The following PCDHB10 variants were observed in gnomAD, a reference collection of about 807,000 sequenced individuals.
The protein encoded by PCDHB10 is protocadherin beta 10.
For synonymous variants in PCDHB10, 448 were observed against 449.2 expected (o/e 1.00, Z 0.04); for missense variants, 1,046 against 1,004.7 (o/e 1.04, Z -0.56).
rs781908790 is a variant in PCDHB10 at position 141,194,877 on chromosome 5, T to C, written c.2325T>C (p.Asp775=). ...EFKFLKPVIS[D]IQAQGPGRKG... is the part of the protein sequence containing the mutation. ...AGTTCTTGAAACCAGTTATTTCGGATATTCAGGCACAGGGCCCTGGGAGGA... is the reference window on the plus strand; with the variant it reads ...AGTTCTTGAAACCAGTTATTTCGGACATTCAGGCACAGGGCCCTGGGAGGA... Residue 775 remains aspartate, a synonymous_variant, in exon 1 of 1, where the codon GAT becomes GAC. Coordinates refer to ENST00000239446, the MANE Select transcript of PCDHB10 (RefSeq NM_018930.4). 3.7e-6 allele frequency: 6 copies of C among 1,614,090 alleles called. No homozygotes were observed. The highest frequency in any genetic ancestry group is 5.1e-6 in the Non-Finnish European group (6 of 1,180,012).
In PCDHB10 at chr5:141,194,557, C is replaced by A. The variant is rs1754005804; in HGVS notation, c.2005C>A (p.Pro669Thr). 2 of 1,576,772 alleles carry A rather than the reference C, an allele frequency of 1.3e-6. No homozygotes were observed. The highest frequency in any genetic ancestry group is 1.7e-6 in the Non-Finnish European group (2 of 1,165,592). Residue 669 changes from proline (P) to threonine (T), a missense_variant, in exon 1 of 1, where the codon CCC becomes ACC. Physicochemically the swap from Pro to Thr is conservative, Grantham distance 38. Coordinates refer to ENST00000239446, the MANE Select transcript of PCDHB10 (RefSeq NM_018930.4). ...GCTCCTGGTGGACGGCTTCTCCCAGCCCTACCTGCCTCTCCCGGAGGCGGC... is the reference window on the plus strand; with the variant it reads ...GCTCCTGGTGGACGGCTTCTCCCAGACCTACCTGCCTCTCCCGGAGGCGGC... The part of the protein sequence containing the change: ...HLLLVDGFSQ[P>T]YLPLPEAAPA...
In PCDHB10 at chr5:141,194,421, G is replaced by A; in HGVS notation, c.1869G>A (p.Glu623=). ...TCGGTGTGTGGGCGCACAATGGGGA[G>A]GTGCGCACCGCCAGGCTGCTGAGCG... ...GLFGVWAHNG[E]VRTARLLSER... The change falls in exon 1 of 1, where the codon GAG becomes GAA. Residue 623 remains glutamate, a synonymous_variant. Coordinates refer to ENST00000239446, the MANE Select transcript of PCDHB10 (RefSeq NM_018930.4). 1 of 1,603,506 alleles carries A rather than the reference G, an allele frequency of 6.2e-7. No homozygotes were observed. Among genetic ancestry groups the A allele is most frequent in the Non-Finnish European group, 8.5e-7 (1 of 1,179,484 alleles).
rs1554284391 is a variant in PCDHB10 at position 141,194,381 on chromosome 5, C to T, written c.1829C>T (p.Thr610Met). ...AWLSYQLLKA[T>M]EPGLFGVWAH... is the part of the protein sequence containing the mutation. ...CTGTCGTACCAGCTGCTCAAGGCCA[C>T]GGAGCCCGGGCTGTTCGGTGTGTGG... Residue 610 changes from threonine (T) to methionine (M), a missense_variant, in exon 1 of 1, where the codon ACG (threonine) becomes ATG (methionine). Coordinates refer to ENST00000239446, the MANE Select transcript of PCDHB10 (RefSeq NM_018930.4). 1.2e-6 allele frequency: 2 copies of T among 1,602,426 alleles called. No individual in the cohort carries two copies. Among genetic ancestry groups the T allele is most frequent in the Non-Finnish European group, 8.5e-7 (1 of 1,179,312 alleles).
chr5:141,193,611 C>T lies in PCDHB10; in HGVS notation c.1059C>T (p.Ser353=). The T allele has an allele frequency of 6.2e-7, 1 of 1,614,094 alleles. No individual in the cohort carries two copies. The highest frequency in any genetic ancestry group is 8.5e-7 in the Non-Finnish European group (1 of 1,180,018). Residue 353 remains serine (S), a synonymous_variant, in exon 1 of 1, where the codon TCC becomes TCT. Coordinates refer to ENST00000239446, the MANE Select transcript of PCDHB10 (RefSeq NM_018930.4). ...CTGAACTGATCGTATCATCATTTTC[C>T]AACTCTGTTGCTGAGAATTCTCCTG... ...NPPELIVSSF[S]NSVAENSPET...
rs782173744 is a variant in PCDHB10, at chr5:141,193,153, G to A, written c.601G>A (p.Asp201Asn). The change falls in exon 1 of 1, where the codon GAT (aspartate) becomes AAT (asparagine). Residue 201 changes from aspartate (D) to asparagine (N), a missense_variant. Physicochemically the swap from Asp to Asn is conservative, Grantham distance 23. Transcript: ENST00000239446. ...YPELVLDKAL[D>N]REEQGELSLT... ...AGAGCTAGTGTTGGACAAAGCACTGGATCGGGAGGAGCAGGGAGAGCTCAG... is the reference window on the plus strand; with the variant it reads ...AGAGCTAGTGTTGGACAAAGCACTGAATCGGGAGGAGCAGGGAGAGCTCAG... 4.3e-6 allele frequency: 7 copies of A among 1,614,140 alleles called. No individual in the cohort carries two copies. The highest frequency in any genetic ancestry group is 1.6e-4 in the Middle Eastern group (1 of 6,062).
chr5:141,192,557 C>T lies in PCDHB10; in HGVS notation c.5C>T (p.Ala2Val). 6.2e-7 allele frequency: 1 copy of T among 1,613,248 alleles called. No homozygotes were observed. The highest frequency in any genetic ancestry group is 1.1e-5 in the South Asian group (1 of 90,942). The change falls in exon 1 of 1, where the codon GCT becomes GTT. Residue 2 changes from alanine (A) to valine (V), a missense_variant. Transcript: ENST00000239446. M[A>V]VRELCFPRQR... ...GAAATAACGTATGCAGCAGCTATGGCTGTCAGAGAGTTGTGCTTCCCAAGA... is the reference window on the plus strand; with the variant it reads ...GAAATAACGTATGCAGCAGCTATGGTTGTCAGAGAGTTGTGCTTCCCAAGA...
chr5:141,192,461 C>A lies in PCDHB10; in HGVS notation c.-92C>A, dbSNP rs1753923949. The A allele has an allele frequency of 2.0e-6, 3 of 1,495,656 alleles. No individual in the cohort carries two copies. Among genetic ancestry groups the A allele is most frequent in the East Asian group, 4.5e-5 (2 of 44,244 alleles). 92.6% of individuals were successfully genotyped at this position (1,495,656 alleles called of 1,614,324 possible). A position where few individuals can be genotyped will look rare whatever the true frequency, so the allele number is the denominator to read the frequency against. ...GGAAAGGACAAAAAAGACCCCTGGG[C>A]TACACGGCGTAGGTGCAGGGTTTCC... On this transcript the variant is annotated 5_prime_UTR_variant, in exon 1 of 1. Coordinates refer to ENST00000239446, the MANE Select transcript of PCDHB10 (RefSeq NM_018930.4).
At position 141,194,266 on chromosome 5, in the gene PCDHB10, T is replaced by C. The variant is rs1304322129; in HGVS notation, c.1714T>C (p.Cys572Arg). The C allele has an allele frequency of 3.1e-6, 5 of 1,605,688 alleles. No individual in the cohort carries two copies. The Admixed American group carries it at 6.7e-5, about 21-fold the overall frequency. ...CCCGCTGCAGAACGGCTCCGCGCCC[T>C]GCACCGAGCTGGTGCCCCGGGCGGC... The part of the protein sequence containing the change: ...LYPLQNGSAP[C>R]TELVPRAAEP... Residue 572 changes from cysteine (C) to arginine (R), a missense_variant, in exon 1 of 1, where the codon TGC becomes CGC. Coordinates refer to ENST00000239446, the MANE Select transcript of PCDHB10 (RefSeq NM_018930.4).
At position 141,195,117 on chromosome 5, in the gene PCDHB10, A is replaced by G. The variant is rs1554284594; in HGVS notation, c.*162A>G. ...TGTTTCATCATTTTTTTGCATTAAT[A>G]ACAACTGGGTTTAATTTAATGAGTA... On this transcript the variant is annotated 3_prime_UTR_variant, in exon 1 of 1. Coordinates refer to ENST00000239446, the MANE Select transcript of PCDHB10 (RefSeq NM_018930.4). 1 of 692,206 alleles carries G rather than the reference A, an allele frequency of 1.4e-6. No homozygotes were observed. The allele number at this position is 692,206 out of a possible 1,614,324, so 42.9% of individuals were successfully genotyped here.
Position 141,192,361 on chromosome 5 carries a change from T to C in PCDHB10, c.-192T>C, listed in dbSNP as rs768009734. 1 of 692,800 alleles carries C rather than the reference T, an allele frequency of 1.4e-6. No homozygotes were observed. The highest frequency in any genetic ancestry group is 2.4e-6 in the Non-Finnish European group (1 of 418,326). The allele number at this position is 692,800 out of a possible 1,614,324, so 42.9% of individuals were successfully genotyped here. On this transcript the variant is annotated 5_prime_UTR_variant, in exon 1 of 1. The change abolishes an upstream ATG in the 5' untranslated region. Transcript: ENST00000239446. ...TTTGGGAATTGCTCTGAGGATGCTA[T>C]GCAAGTCACTAATAAAGGAAGACAC...
Position 141,193,545 on chromosome 5 carries a change from T to C in PCDHB10, c.993T>C (p.Cys331=). The change falls in exon 1 of 1, where the codon TGT becomes TGC. Residue 331 remains cysteine, a synonymous_variant. Coordinates refer to ENST00000239446, the MANE Select transcript of PCDHB10 (RefSeq NM_018930.4). ...AMDGGGLSAR[C]RVLVEVLDTN... ...ACGGTGGAGGCCTTTCTGCAAGATG[T>C]AGGGTTTTAGTGGAAGTATTGGACA... 18 of 1,614,168 alleles carry C rather than the reference T, an allele frequency of 1.1e-5. No homozygotes were observed. The highest frequency in any genetic ancestry group is 1.5e-5 in the Non-Finnish European group (18 of 1,180,022).
Position 141,193,438 on chromosome 5 carries a change from C to G in PCDHB10, c.886C>G (p.Pro296Ala). 1 of 1,614,068 alleles carries G rather than the reference C, an allele frequency of 6.2e-7. No individual in the cohort carries two copies. Among genetic ancestry groups the G allele is most frequent in the East Asian group, 2.2e-5 (1 of 44,878 alleles). The stretch of plus-strand genomic sequence containing the variant: ...TATTCGAACAACCTTTCAAATCAAT[C>G]CTTTTTCTGGGGAAATCTTTCTCAG... ...ENIRTTFQIN[P>A]FSGEIFLREL... Residue 296 changes from proline to alanine, a missense_variant, in exon 1 of 1, where the codon CCT (proline) becomes GCT (alanine). Transcript: ENST00000239446.
rs372400320 is a variant in PCDHB10, at chr5:141,192,539, C to G, written c.-14C>G. The G allele has an allele frequency of 1.4e-5, 23 of 1,609,490 alleles. No homozygotes were observed. The South Asian group carries it at 2.3e-4, about 16-fold the overall frequency. On this transcript the variant is annotated 5_prime_UTR_variant, in exon 1 of 1. Transcript: ENST00000239446. Reference sequence around the variant, plus strand: ...GTGGCTGTAACCAACTAGGAAATAACGTATGCAGCAGCTATGGCTGTCAGA... The same window carrying G: ...GTGGCTGTAACCAACTAGGAAATAAGGTATGCAGCAGCTATGGCTGTCAGA...
rs146062411 is a variant in PCDHB10, at chr5:141,193,293, T to A, written c.741T>A (p.Tyr247Ter). 35 of 1,614,012 alleles carry A rather than the reference T, an allele frequency of 2.2e-5. No homozygotes were observed. The highest frequency in any genetic ancestry group is 5.5e-5 in the South Asian group (5 of 91,082). The change falls in exon 1 of 1, where the codon TAT (tyrosine) becomes TAA (stop). Residue 247 changes from tyrosine (Y) to a stop codon, truncating the protein, a stop_gained. Coordinates refer to ENST00000239446, the MANE Select transcript of PCDHB10 (RefSeq NM_018930.4). LOFTEE classifies it low-confidence loss of function (END_TRUNC). ...DNAPQFAQAL[Y>*]ETQAPENSPI... Reference sequence around the variant, plus strand: ...CCCCACAGTTTGCCCAGGCTCTGTATGAGACCCAGGCTCCAGAAAACAGCC... The same window carrying A: ...CCCCACAGTTTGCCCAGGCTCTGTAAGAGACCCAGGCTCCAGAAAACAGCC...
Position 141,195,514 on chromosome 5 carries a change from T to C in PCDHB10, c.*559T>C, listed in dbSNP as rs1754034704. On this transcript the variant is annotated 3_prime_UTR_variant, in exon 1 of 1. Coordinates refer to ENST00000239446, the MANE Select transcript of PCDHB10 (RefSeq NM_018930.4). ...CTTATTATTTTATCTTTAAGCATGC[T>C]ACTTTTACTTGGCCAATATTTTCTT... is the stretch of plus-strand genomic sequence containing the variant. 6.0e-6 allele frequency: 1 copy of C among 166,908 alleles called. No homozygotes were observed. The highest frequency in any genetic ancestry group is 2.1e-4 in the South Asian group (1 of 4,834). The allele number at this position is 166,908 out of a possible 1,614,324, so 10.3% of individuals were successfully genotyped here.
Position 141,192,431 on chromosome 5 carries a change from G to A in PCDHB10, c.-122G>A, listed in dbSNP as rs1315319569. ...AGAAGCTTTAGCTGCCAAAGATTGG[G>A]AAAGGGAAAGGACAAAAAAGACCCC... is the stretch of plus-strand genomic sequence containing the variant. On this transcript the variant is annotated 5_prime_UTR_variant, in exon 1 of 1. Transcript: ENST00000239446. The A allele has an allele frequency of 1.5e-5, 19 of 1,281,430 alleles. No homozygotes were observed. Among genetic ancestry groups the A allele is most frequent in the Non-Finnish European group, 2.1e-5 (19 of 923,782 alleles). 79.4% of individuals were successfully genotyped at this position (1,281,430 alleles called of 1,614,324 possible).
chr5:141,192,792 T>C lies in PCDHB10; in HGVS notation c.240T>C (p.His80=), dbSNP rs544218016. ...DNKQYLLLDS[H]TGNLLTNEKL... is the part of the protein sequence containing the mutation. ...AACAATACCTGCTCCTGGATTCACA[T>C]ACCGGGAATTTGCTCACAAATGAGA... is the stretch of plus-strand genomic sequence containing the variant. The change falls in exon 1 of 1, where the codon CAT becomes CAC. Residue 80 remains histidine (H), a synonymous_variant. Coordinates refer to ENST00000239446, the MANE Select transcript of PCDHB10 (RefSeq NM_018930.4). The C allele has an allele frequency of 1.2e-6, 2 of 1,608,294 alleles. No homozygotes were observed. Among genetic ancestry groups the C allele is most frequent in the African/African-American group, 1.3e-5 (1 of 74,604 alleles).
In PCDHB10 at chr5:141,193,610, C is replaced by A; in HGVS notation, c.1058C>A (p.Ser353Tyr). The A allele has an allele frequency of 6.2e-7, 1 of 1,614,114 alleles. No homozygotes were observed. The highest frequency in any genetic ancestry group is 8.5e-7 in the Non-Finnish European group (1 of 1,180,016). The stretch of plus-strand genomic sequence containing the variant: ...CCTGAACTGATCGTATCATCATTTT[C>A]CAACTCTGTTGCTGAGAATTCTCCT... ...NPPELIVSSFSNSVAENSPET... is the reference protein window; with the variant it reads ...NPPELIVSSFYNSVAENSPET... Residue 353 changes from serine (S) to tyrosine (Y), a missense_variant, in exon 1 of 1, where the codon TCC (serine) becomes TAC (tyrosine). By Grantham distance (144) the Ser-to-Tyr change is moderately radical (BLOSUM62 -2). Transcript: ENST00000239446.
rs1554284389 is a variant in PCDHB10 at position 141,194,375 on chromosome 5, A to T, written c.1823A>T (p.Lys608Met). 6.2e-7 allele frequency: 1 copy of T among 1,602,406 alleles called. No individual in the cohort carries two copies. The highest frequency in any genetic ancestry group is 2.2e-5 in the East Asian group (1 of 44,728). Residue 608 changes from lysine to methionine, a missense_variant, in exon 1 of 1, where the codon AAG becomes ATG. Transcript: ENST00000239446. Reference sequence around the variant, plus strand: ...GCCTGGCTGTCGTACCAGCTGCTCAAGGCCACGGAGCCCGGGCTGTTCGGT... The same window carrying T: ...GCCTGGCTGTCGTACCAGCTGCTCATGGCCACGGAGCCCGGGCTGTTCGGT... ...QNAWLSYQLL[K>M]ATEPGLFGVW...
Sources: gnomAD v4.1 joint callset for allele counts on GRCh38, gnomAD v4.1.1 for gene constraint, MANE v1.5 for transcripts, NCBI Gene and HGNC (gene_info 2026-07-23, HGNC 2026-07-21) for gene names.